Variants in DPP10 observed in about 807,000 individuals in gnomAD.
The protein encoded by DPP10 is dipeptidyl peptidase like 10.
Under a neutral mutation model 120.9 loss-of-function variants are expected in DPP10, and 33 were observed. That is an observed-to-expected ratio of 0.27 (90% CI 0.21 to 0.37). The LOEUF (loss-of-function observed/expected upper bound fraction) is 0.37. Ranked by LOEUF, DPP10 falls within the 10% of genes least tolerant of loss-of-function variation. The probability of loss-of-function intolerance (pLI) is 1.00; values close to 1 mark genes in which losing one functional copy is unlikely to be tolerated. For synonymous variants in DPP10, 337 were observed against 326.1 expected (o/e 1.03, Z -0.36); for missense variants, 816 against 942.8 (o/e 0.87, Z 1.76).
intron 7 of DPP10, among the ~76,000 whole-genome samples, chr2:115,711,690 A>T (rs1265535369): frequency 6.6e-6 from 1 of 152,192 alleles, no homozygotes; most frequent in Non-Finnish European, 1.5e-5. Context: ...AGATAAAGGT[A>T]TCAGAAATAA....
intron 1 of DPP10, among the ~76,000 whole-genome samples, chr2:115,220,737 A>G (rs1441098705): frequency 6.6e-6 from 1 of 152,144 alleles, no homozygotes; most frequent in Non-Finnish European, 1.5e-5. Flanking sequence ...AAACAAAACA[A>G]ATCACTACTG....
At chr2:115,701,866 A>G (rs774580939) in intron 7 of DPP10, among the ~76,000 whole-genome samples, 6 of 152,110 alleles carry the variant, frequency 3.9e-5, no homozygotes, top group Admixed American at 2.0e-4. Flanking sequence ...AGCAATTCCT[A>G]TGGAAAGAAG....
intron 1 of DPP10, among the ~76,000 whole-genome samples, chr2:114,736,405 G>A (rs888913767): frequency 4.6e-5 from 7 of 152,214 alleles, no homozygotes; most frequent in Admixed American, 3.9e-4. Flanking sequence ...AGCATCTGAT[G>A]AATGAAGGAA....
At chr2:115,760,048 A>G (rs956087880) in intron 11 of DPP10, among the ~76,000 whole-genome samples, 2 of 152,118 alleles carry the variant, frequency 1.3e-5, no homozygotes, top group African/African-American at 2.4e-5. Context: ...AAAAACCCAT[A>G]CATTATAATT....
intron 5 of DPP10, among the ~76,000 whole-genome samples, chr2:115,552,783 G>T (rs982970900): frequency 2.6e-5 from 4 of 151,880 alleles, no homozygotes; most frequent in African/African-American, 9.7e-5. Flanking sequence ...CATGATTTAG[G>T]CTGGGATAGC....
chr2:115,308,138 A>G (rs1559398703), intron 1 of DPP10, among the ~76,000 whole-genome samples: 1 of 152,244 alleles, frequency 6.6e-6, no homozygotes, highest in East Asian at 1.9e-4. Flanking sequence ...ATACCAAAAT[A>G]ACTATATGAA....
At chr2:115,150,843 ATATT>A (rs1363881815) in intron 1 of DPP10, among the ~76,000 whole-genome samples, 2 of 152,252 alleles carry the variant, frequency 1.3e-5, no homozygotes, top group African/African-American at 4.8e-5. Context: ...ATTTTCATAT[ATATT>A]AGATATCAAA....
intron 1 of DPP10, among the ~76,000 whole-genome samples, chr2:114,681,249 G>C (rs1249178679): frequency 6.6e-6 from 1 of 151,868 alleles, no homozygotes; most frequent in African/African-American, 2.4e-5. Flanking sequence ...GTCCATTACA[G>C]TCTAATTTAT....
rs1167294654 is a variant in DPP10 at position 115,842,183 on chromosome 2, G to T, written c.2257-28G>T. 5.8e-6 allele frequency: 9 copies of T among 1,550,864 alleles called. No individual in the cohort carries two copies. In the Admixed American group the frequency reaches 1.1e-4, roughly 18 times the overall value. On this transcript the variant is annotated intron_variant, in intron 25 of 25. Coordinates refer to ENST00000410059, the MANE Select transcript of DPP10 (RefSeq NM_020868.6). ...GAGACAATAGCTTCTTGGATAATTT[G>T]AAATCTTCTTTCTCCTCAATATCTT...
intron 1 of DPP10, among the ~76,000 whole-genome samples, chr2:114,995,483 C>T (rs113110830): frequency 3.3e-5 from 5 of 152,068 alleles, no homozygotes; most frequent in African/African-American, 4.8e-5. Context: ...GTTTAGAACC[C>T]CTGCTTAAAG....
intron 5 of DPP10, among the ~76,000 whole-genome samples, chr2:115,613,722 T>A (rs555965807): frequency 6.6e-6 from 1 of 152,318 alleles, no homozygotes; most frequent in South Asian, 2.1e-4. Flanking sequence ...TGTTACTGTC[T>A]CAGTTCATGT....
intron 1 of DPP10, among the ~76,000 whole-genome samples, chr2:114,517,287 G>T (rs536011805): frequency 6.6e-6 from 1 of 152,158 alleles, no homozygotes; most frequent in Non-Finnish European, 1.5e-5. Flanking sequence ...TTGGGAGGCC[G>T]AGGCGGGAGG....
At chr2:114,718,238 T>C in intron 1 of DPP10, among the ~76,000 whole-genome samples, 1 of 151,922 alleles carries the variant, frequency 6.6e-6, no homozygotes, top group African/African-American at 2.4e-5. Flanking sequence ...TTCAATATGA[T>C]AGCAACTAGC....
intron 1 of DPP10, among the ~76,000 whole-genome samples, chr2:114,511,016 G>A (rs574224994): frequency 2.0e-5 from 3 of 152,370 alleles, no homozygotes; most frequent in African/African-American, 7.2e-5. Context: ...CAGGGATGAT[G>A]GGTATCCCCG....
chr2:114,623,232 A>G (rs542465069), intron 1 of DPP10, among the ~76,000 whole-genome samples: 1 of 152,218 alleles, frequency 6.6e-6, no homozygotes, highest in East Asian at 1.9e-4. Context: ...AATAATGTGC[A>G]TCGTATGTTT....
At chr2:115,765,020 C>T (rs7566591) in intron 12 of DPP10, among the ~76,000 whole-genome samples, 125,297 of 152,000 alleles carry the variant, frequency 0.82, 53,028 homozygotes, top group Middle Eastern at 0.95. Flanking sequence ...ATATCCCCAG[C>T]TTACCATCTT....
chr2:114,499,572 G>T (rs1028728793), intron 1 of DPP10, among the ~76,000 whole-genome samples: 1 of 145,092 alleles, frequency 6.9e-6, no homozygotes, highest in African/African-American at 2.8e-5. Flanking sequence ...TTTTGCAAAG[G>T]CTTTTTTTTT....
intron 21 of DPP10, among the ~76,000 whole-genome samples, chr2:115,829,585 TAAG>T (rs1178827841): frequency 6.6e-6 from 1 of 152,178 alleles, no homozygotes; most frequent in African/African-American, 2.4e-5. Context: ...TATAATAATT[TAAG>T]AAGAATTAAA....
At chr2:115,529,393 T>G (rs2148911156) in intron 5 of DPP10, among the ~76,000 whole-genome samples, 1 of 152,032 alleles carries the variant, frequency 6.6e-6, no homozygotes, top group African/African-American at 2.4e-5. Context: ...GGATTTGAAC[T>G]CCTGACCTCA....
Sources: allele counts gnomAD v4.1 joint callset (sites outside exome capture counted in the v4.1 genomes callset), GRCh38; gene constraint gnomAD v4.1.1; transcripts MANE v1.5; gene names NCBI Gene and HGNC (gene_info 2026-07-23, HGNC 2026-07-21).